GSAP: variants seen among roughly 807,000 people sequenced by gnomAD.
The protein encoded by GSAP is gamma-secretase activating protein, also known as gamma-secretase-activating protein.
Under a neutral mutation model 131.7 loss-of-function variants are expected in GSAP, and 118 were observed. The observed-to-expected ratio is 0.90, with a 90% CI of 0.77 to 1.04. The LOEUF (loss-of-function observed/expected upper bound fraction) is 1.04, where lower values mean the gene tolerates loss of function less well. Ranked by LOEUF, GSAP falls within the 50% of genes least tolerant of loss-of-function variation. The pLI is 0.00. For synonymous variants in GSAP, 381 were observed against 363.4 expected (o/e 1.05, Z -0.55); for missense variants, 1,019 against 1,013.2 (o/e 1.01, Z -0.08).
chr7:77,346,270 C>CAAAAAAAAAAAAAAAAAAA (rs1223497863), intron 19 of GSAP, among the ~76,000 whole-genome samples: 4 of 40,902 alleles, frequency 9.8e-5, no homozygotes, highest in East Asian at 8.0e-4. Context: ...GACTCCATCT[C>CAAAAAAAAAAAAAAAAAAA]AAAAAAAAAA....
intron 5 of GSAP, among the ~76,000 whole-genome samples, chr7:77,391,305 A>G (rs112278243): frequency 7.0e-4 from 106 of 152,238 alleles, no homozygotes; most frequent in African/African-American, 2.4e-3. Context: ...TTCCCTTCTC[A>G]AGTACAACCC....
At chr7:77,415,969 G>A (rs893407879) in intron 1 of GSAP, 5 of 392,036 alleles carry the variant, frequency 1.3e-5, no homozygotes, top group African/African-American at 1.0e-4. Flanking sequence ...TCCGCGGGCC[G>A]GCAGCGAGCC....
intron 18 of GSAP, chr7:77,351,223 C>T: frequency 2.0e-6 from 2 of 981,600 alleles, no homozygotes; most frequent in Non-Finnish European, 2.4e-6. Context: ...ACAGAGGATA[C>T]CTCAAAAAAA....
chr7:77,328,440 A>G (rs911400048), intron 22 of GSAP, 166 bp downstream of exon 22: 101 of 1,351,186 alleles, frequency 7.5e-5, no homozygotes, highest in Non-Finnish European at 5.6e-5. Flanking sequence ...CTAGACAGAC[A>G]TGGGAAGAGC....
At chr7:77,400,868 A>G (rs978260339) in intron 3 of GSAP, among the ~76,000 whole-genome samples, 1 of 152,202 alleles carries the variant, frequency 6.6e-6, no homozygotes, top group African/African-American at 2.4e-5. Flanking sequence ...AACGAAAAAA[A>G]GTCTCAGCAA....
In GSAP at chr7:77,355,598, A is replaced by AT. The variant is rs1227046048; in HGVS notation, c.1076dup (p.Asn359LysfsTer18). 1 of 1,610,964 alleles carries AT rather than the reference A, an allele frequency of 6.2e-7. No homozygotes were observed. Among genetic ancestry groups the AT allele is most frequent in the Non-Finnish European group, 8.5e-7 (1 of 1,177,244 alleles). ...GGCAGATCAGGTCTGGATGTTGAAC[A>AT]TTAAGTAGGTGGAAGAAATGACCAG... On this transcript the variant is annotated frameshift_variant, in exon 15 of 31. Transcript: ENST00000257626. LOFTEE classifies it high-confidence loss of function.
At chr7:77,376,794 A>G (rs796331081) in intron 10 of GSAP, 54 bp downstream of exon 10, 149 of 684,424 alleles carry the variant, frequency 2.2e-4, no homozygotes, top group Non-Finnish European at 1.4e-4. Flanking sequence ...AAAAAAAAAA[A>G]AGAGAGTAAT....
intron 21 of GSAP, 54 bp from the exon 22 acceptor site, chr7:77,328,691 A>G: frequency 9.4e-7 from 1 of 1,058,830 alleles, no homozygotes. Context: ...TAAAAAATTT[A>G]AAGCCACATC....
Position 77,360,911 on chromosome 7 carries a change from G to A in GSAP, c.950-10C>T, listed in dbSNP as rs755907258. On this transcript the variant is annotated splice_polypyrimidine_tract_variant and intron_variant, in intron 13 of 30. Coordinates refer to ENST00000257626, the MANE Select transcript of GSAP (RefSeq NM_017439.4). Reference sequence around the variant, plus strand: ...AAGGTCTTGCTGTGTCCTGCAAAGAGAGAATATGAAGCCAGAGAATGTTAA... The same window carrying A: ...AAGGTCTTGCTGTGTCCTGCAAAGAAAGAATATGAAGCCAGAGAATGTTAA... 6.5e-7 allele frequency: 1 copy of A among 1,530,868 alleles called. No individual in the cohort carries two copies. Among genetic ancestry groups the A allele is most frequent in the African/African-American group, 1.4e-5 (1 of 72,906 alleles). 94.8% of individuals were successfully genotyped at this position (1,530,868 alleles called of 1,614,324 possible).
At chr7:77,313,822 T>C (rs1481541958) in intron 27 of GSAP, among the ~76,000 whole-genome samples, 1 of 152,180 alleles carries the variant, frequency 6.6e-6, no homozygotes, top group African/African-American at 2.4e-5. Context: ...TAAACAAAAA[T>C]CATCTTAAAA....
chr7:77,355,342 G>C lies in GSAP; in HGVS notation c.1209C>G (p.Leu403=). 1 of 1,612,742 alleles carries C rather than the reference G, an allele frequency of 6.2e-7. No homozygotes were observed. Among genetic ancestry groups the C allele is most frequent in the South Asian group, 1.1e-5 (1 of 91,050 alleles). The change falls in exon 16 of 31, where the codon CTC becomes CTG. Residue 403 remains leucine (L), a synonymous_variant. Coordinates refer to ENST00000257626, the MANE Select transcript of GSAP (RefSeq NM_017439.4). The part of the protein sequence containing the change: ...SLVLDCCSGK[L]YRALLSQSSL... ...ACGACTGGCTGAGCAGTGCTCTATA[G>C]AGCTTTCCAGAACAACAATCCAATA...
intron 19 of GSAP, among the ~76,000 whole-genome samples, chr7:77,346,925 C>T (rs1181219722): frequency 1.3e-5 from 2 of 150,334 alleles, no homozygotes; most frequent in Non-Finnish European, 3.0e-5. Context: ...CTCCCCTCCA[C>T]CACTCCCCAC....
At chr7:77,360,297 C>A (rs955118342) in intron 14 of GSAP, among the ~76,000 whole-genome samples, 5 of 152,172 alleles carry the variant, frequency 3.3e-5, no homozygotes, top group African/African-American at 9.7e-5. Flanking sequence ...GTACAACAAA[C>A]CCTTTCTTTA....
intron 19 of GSAP, among the ~76,000 whole-genome samples, chr7:77,337,806 T>C (rs1790255894): frequency 6.6e-6 from 1 of 152,210 alleles, no homozygotes; most frequent in African/African-American, 2.4e-5. Flanking sequence ...TTTTTAAAAA[T>C]CCATACATGC....
Position 77,351,408 on chromosome 7 carries a change from A to C in GSAP, c.1491+1536T>G, listed in dbSNP as rs568634980. The C allele has an allele frequency of 4.3e-4, 420 of 981,810 alleles. 1 individual carries two copies. The highest frequency in any genetic ancestry group is 2.2e-3 in the South Asian group (47 of 21,220). 60.8% of individuals were successfully genotyped at this position (981,810 alleles called of 1,614,324 possible). A position where few individuals can be genotyped will look rare whatever the true frequency, so the allele number is the denominator to read the frequency against. ...TGAAATCCATGTTTTCGCCTGTGGA[A>C]ACTTTTTATTAAGGTTGTAGCATTA... is the stretch of plus-strand genomic sequence containing the variant. On this transcript the variant is annotated intron_variant, in intron 18 of 30. Coordinates refer to ENST00000257626, the MANE Select transcript of GSAP (RefSeq NM_017439.4).
intron 9 of GSAP, 28 bp downstream of exon 9, chr7:77,377,258 A>AAAAAAAAAAAAAAAAAGGGG: frequency 7.1e-7 from 1 of 1,400,742 alleles, no homozygotes; most frequent in Non-Finnish European, 9.4e-7. Context: ...AAAAAAAAAA[A>AAAAAAAAAAAAAAAAAGGGG]GGAGTGCCCG....
At chr7:77,353,783 C>A in intron 16 of GSAP, 142 bp from the exon 17 acceptor site, 1 of 541,928 alleles carries the variant, frequency 1.8e-6, no homozygotes, top group Non-Finnish European at 3.3e-6. Context: ...TCTATACTAT[C>A]TTCAAGATAC....
intron 5 of GSAP, among the ~76,000 whole-genome samples, chr7:77,389,999 CATT>C (rs1448247568): frequency 1.6e-4 from 24 of 152,296 alleles, no homozygotes; most frequent in African/African-American, 5.8e-4. Flanking sequence ...GATAGTATCT[CATT>C]GTGGTTTTGA....
chr7:77,409,451 A>C (rs1036660702), intron 1 of GSAP, among the ~76,000 whole-genome samples: 1 of 152,228 alleles, frequency 6.6e-6, no homozygotes, highest in Non-Finnish European at 1.5e-5. Flanking sequence ...TGACCAATAT[A>C]CAGTGAAAAG....
Sources: gnomAD v4.1 joint callset for allele counts (sites outside exome capture counted in the v4.1 genomes callset) on GRCh38, gnomAD v4.1.1 for gene constraint, MANE v1.5 for transcripts, NCBI Gene and HGNC (gene_info 2026-07-23, HGNC 2026-07-21) for gene names.